Variants in TRDN observed in about 807,000 individuals in gnomAD.
The protein encoded by TRDN is triadin.
In TRDN, 161 loss-of-function variants were observed where a neutral mutation model predicts 149.7. That is an observed-to-expected ratio of 1.08 (90% CI 0.95 to 1.23). TRDN has a LOEUF of 1.23. Ranked by LOEUF, TRDN falls within the 50% of genes most tolerant of loss-of-function variation. The pLI, the probability that TRDN is intolerant of heterozygous loss-of-function variation, is 0.00. For missense variants in TRDN, 896 were observed against 823.5 expected (o/e 1.09, Z -1.08); for synonymous variants, 294 against 250.5 (o/e 1.17, Z -1.64).
chr6:123,512,225 C>T (rs1055275825), intron 7 of TRDN, 78 bp downstream of exon 7: 2 of 805,954 alleles, frequency 2.5e-6, no homozygotes, highest in South Asian at 2.0e-5. Context: ...TTACAAATAT[C>T]CAACTATCTG....
At chr6:123,405,884 G>GA (rs1773173780) in intron 12 of TRDN, among the ~76,000 whole-genome samples, 3 of 151,994 alleles carry the variant, frequency 2.0e-5, no homozygotes, top group Admixed American at 2.0e-4. Context: ...CTTACACTAA[G>GA]AAAAATCTCC....
At chr6:123,513,987 T>A (rs1779301124) in intron 6 of TRDN, among the ~76,000 whole-genome samples, 1 of 152,096 alleles carries the variant, frequency 6.6e-6, no homozygotes, top group African/African-American at 2.4e-5. Flanking sequence ...CCTAAAACAA[T>A]GGCAAAAATT....
chr6:123,261,718 A>G (rs959224083), intron 33 of TRDN, among the ~76,000 whole-genome samples: 5 of 151,902 alleles, frequency 3.3e-5, no homozygotes, highest in African/African-American at 1.2e-4. Context: ...GAAGGTATAC[A>G]ATAAATAATG....
intron 24 of TRDN, among the ~76,000 whole-genome samples, chr6:123,279,967 T>C (rs1777523237): frequency 6.6e-6 from 1 of 152,128 alleles, no homozygotes; most frequent in Non-Finnish European, 1.5e-5. Flanking sequence ...CATAAAACAA[T>C]GGTTTTAAAG....
chr6:123,310,273 A>G (rs900497871), intron 24 of TRDN, among the ~76,000 whole-genome samples: 7 of 152,086 alleles, frequency 4.6e-5, no homozygotes, highest in Admixed American at 4.6e-4. Context: ...TAAAAAAGTC[A>G]TAACATTAAT....
intron 12 of TRDN, among the ~76,000 whole-genome samples, chr6:123,422,393 T>C (rs374945188): frequency 1.3e-5 from 2 of 152,244 alleles, no homozygotes; most frequent in African/African-American, 4.8e-5. Flanking sequence ...TTACAAGGTA[T>C]AGAGTTTTTA....
At chr6:123,583,345 C>G (rs572918159) in intron 1 of TRDN, among the ~76,000 whole-genome samples, 1 of 152,020 alleles carries the variant, frequency 6.6e-6, no homozygotes, top group East Asian at 1.9e-4. Flanking sequence ...TGGAATGAGA[C>G]TGGGGCCTAA....
chr6:123,463,112 T>C (rs1776556111), intron 10 of TRDN: 1 of 151,830 alleles, frequency 6.6e-6, no homozygotes, highest in East Asian at 1.9e-4. Context: ...CCAAGGAGGG[T>C]GGATCACGAG....
intron 7 of TRDN, chr6:123,510,066 AAAC>A (rs1779104226): frequency 6.6e-6 from 1 of 152,174 alleles, no homozygotes; most frequent in South Asian, 2.1e-4. Context: ...TATGTAATGA[AAAC>A]AAATTTTATA....
At chr6:123,282,703 T>C (rs1211158104) in intron 24 of TRDN, among the ~76,000 whole-genome samples, 1 of 150,114 alleles carries the variant, frequency 6.7e-6, no homozygotes, top group African/African-American at 2.4e-5. Context: ...CATAATTTGC[T>C]TAATTATGTC....
rs564101005 is a variant in TRDN at position 123,369,395 on chromosome 6, G to A, written c.1274-3213C>T. ...CAACATATCTTTTGGTGGGAGGCAC[G>A]AATCAACCCACTATGTCTGCCAAAA... On this transcript the variant is annotated intron_variant, in intron 19 of 40. Coordinates refer to ENST00000334268, the MANE Select transcript of TRDN (RefSeq NM_006073.4). Among the ~76,000 whole-genome samples the A allele has an allele frequency of 3.9e-5, 6 of 152,114 alleles. No individual in the cohort carries two copies. In the South Asian group the frequency reaches 8.3e-4, roughly 21 times the overall value.
intron 23 of TRDN, among the ~76,000 whole-genome samples, chr6:123,326,934 T>C (rs1244106710): frequency 6.6e-6 from 1 of 152,106 alleles, no homozygotes; most frequent in Non-Finnish European, 1.5e-5. Context: ...AATGTGTGGC[T>C]AATCTTCCTC....
At chr6:123,294,911 T>C (rs988969003) in intron 24 of TRDN, among the ~76,000 whole-genome samples, 6 of 152,138 alleles carry the variant, frequency 3.9e-5, no homozygotes, top group African/African-American at 1.4e-4. Flanking sequence ...CCTCCAGTGC[T>C]AGGCAGGGCC....
Position 123,463,694 on chromosome 6 carries a change from A to C in TRDN, c.931+1212T>G, listed in dbSNP as rs1395027034. Among the ~76,000 whole-genome samples, 6 of 152,038 alleles carry C rather than the reference A, an allele frequency of 3.9e-5. No homozygotes were observed. In the East Asian group the frequency reaches 1.2e-3, roughly 29 times the overall value. On this transcript the variant is annotated intron_variant, in intron 10 of 40. Transcript: ENST00000334268. ...TTGGCGAGTGAGATAGTTTTGTGTC[A>C]AATTCTCTTAAGTCATGTGAACTAT...
chr6:123,251,236 G>T (rs955476056), intron 38 of TRDN, among the ~76,000 whole-genome samples: 1 of 151,998 alleles, frequency 6.6e-6, no homozygotes, highest in African/African-American at 2.4e-5. Context: ...ATGACATGTG[G>T]TATCATATTT....
At chr6:123,616,392 CA>C (rs71856854) in intron 1 of TRDN, among the ~76,000 whole-genome samples, 20,807 of 135,078 alleles carry the variant, frequency 0.15, 2,120 homozygotes, top group African/African-American at 0.31. Flanking sequence ...AGCAGGTTTG[CA>C]AAAAAAAAAA....
chr6:123,549,098 G>A (rs2114440069), intron 2 of TRDN, among the ~76,000 whole-genome samples: 1 of 152,136 alleles, frequency 6.6e-6, no homozygotes, highest in Admixed American at 6.5e-5. Flanking sequence ...TGATACCACA[G>A]GAAGAATCTG....
rs9388241 is a variant in TRDN at position 123,443,868 on chromosome 6, T to C, written c.932-4865A>G. Among the ~76,000 whole-genome samples, 164 of 151,022 alleles carry C rather than the reference T, an allele frequency of 1.1e-3. 1 individual carries two copies. The highest frequency in any genetic ancestry group is 1.2e-3 in the Non-Finnish European group (82 of 67,902). On this transcript the variant is annotated intron_variant, in intron 10 of 40. Coordinates refer to ENST00000334268, the MANE Select transcript of TRDN (RefSeq NM_006073.4). The stretch of plus-strand genomic sequence containing the variant: ...TATTTCTGAGGGCTCTGTTCTGTTC[T>C]ATTGATCTATATCTCTGTTTTGGTA...
intron 22 of TRDN, 142 bp from the exon 23 acceptor site, chr6:123,332,071 C>T: frequency 1.7e-6 from 1 of 586,802 alleles, no homozygotes; most frequent in Non-Finnish European, 2.9e-6. Context: ...TGGTTTTACT[C>T]ATATAGGGAC....
Sources: allele counts gnomAD v4.1 joint callset (sites outside exome capture counted in the v4.1 genomes callset), GRCh38; gene constraint gnomAD v4.1.1; transcripts MANE v1.5; gene names NCBI Gene and HGNC (gene_info 2026-07-23, HGNC 2026-07-21).